The following NOL9 variants were observed in gnomAD, a reference collection of about 807,000 sequenced individuals.
The protein encoded by NOL9 is nucleolar protein 9, also known as polynucleotide 5'-hydroxyl-kinase NOL9.
NOL9 carries 28 observed loss-of-function variants against 67.9 expected under a neutral mutation model. The observed-to-expected ratio is 0.41, with a 90% confidence interval of 0.31 to 0.57. The LOEUF (loss-of-function observed/expected upper bound fraction) is 0.57, where lower values mean the gene tolerates loss of function less well. Among genes scored for constraint, NOL9 ranks in the 20% least tolerant of loss-of-function variants. NOL9 has a pLI of 0.25. For synonymous variants in NOL9, 356 were observed against 352.2 expected, an observed-to-expected ratio of 1.01 and a Z score of -0.12; for missense variants, 777 against 897.0, an observed-to-expected ratio of 0.87 and a Z score of 1.71.
At chr1:6,552,515 C>T (rs1037189603) in intron 1 of NOL9, among the ~76,000 whole-genome samples, 2 of 151,984 alleles carry the variant, frequency 1.3e-5, no homozygotes, top group East Asian at 1.9e-4. Context: ...CTCCACCTCC[C>T]AGGTTAAAGC....
At chr1:6,553,278 T>C (rs1253676573) in intron 1 of NOL9, among the ~76,000 whole-genome samples, 1 of 152,166 alleles carries the variant, frequency 6.6e-6, no homozygotes, top group Non-Finnish European at 1.5e-5. Flanking sequence ...GGGTTTTGCC[T>C]TCCCTCCTGC....
chr1:6,543,861 C>T (rs1221742968), intron 5 of NOL9, among the ~76,000 whole-genome samples: 2 of 152,074 alleles, frequency 1.3e-5, no homozygotes, highest in East Asian at 1.9e-4. Context: ...CATGGTGGCT[C>T]ACGCCTGTAA....
At chr1:6,552,567 C>A (rs1430757530) in intron 1 of NOL9, among the ~76,000 whole-genome samples, 5 of 151,968 alleles carry the variant, frequency 3.3e-5, no homozygotes, top group Admixed American at 6.6e-5. Flanking sequence ...GGATTACAGG[C>A]GTGTGCCACC....
At chr1:6,538,060 T>TA (rs1346517104) in intron 6 of NOL9, among the ~76,000 whole-genome samples, 1 of 123,068 alleles carries the variant, frequency 8.1e-6, no homozygotes, top group African/African-American at 3.1e-5. Flanking sequence ...AATTTAAAAA[T>TA]AAAAAAATTT....
chr1:6,554,485 C>G lies in NOL9; in HGVS notation c.18G>C (p.Leu6=), dbSNP rs1330949078. The change falls in exon 1 of 12, where the codon CTG becomes CTC. Residue 6 remains leucine, a synonymous_variant. Coordinates refer to ENST00000377705, the MANE Select transcript of NOL9 (RefSeq NM_024654.5). ...AACGGCAGGAACCCCGCTTTAGCAG[C>G]AGTCCCGAGTCCGCCATGCTGGGTC... The part of the protein sequence containing the change: MADSG[L]LLKRGSCRST... The G allele has an allele frequency of 1.0e-5, 16 of 1,543,482 alleles. No homozygotes were observed. Among genetic ancestry groups the G allele is most frequent in the Non-Finnish European group, 1.2e-5 (14 of 1,158,108 alleles).
Position 6,525,726 on chromosome 1 carries a change from A to T in NOL9, c.*128T>A. The T allele has an allele frequency of 4.2e-6, 4 of 942,164 alleles. No individual in the cohort carries two copies. Among genetic ancestry groups the T allele is most frequent in the Non-Finnish European group, 6.6e-6 (4 of 607,464 alleles). The allele number at this position is 942,164 out of a possible 1,614,324, so 58.4% of individuals were successfully genotyped here. ...GACTACTATATGACATTCACGAATT[A>T]CACAAAAAACACTGTTGCTAATAAG... On this transcript the variant is annotated 3_prime_UTR_variant, in exon 12 of 12. Coordinates refer to ENST00000377705, the MANE Select transcript of NOL9 (RefSeq NM_024654.5).
Position 6,526,722 on chromosome 1 carries a change from T to A in NOL9, c.1933A>T (p.Ile645Phe), listed in dbSNP as rs759603807. ...VNCLLVGAIA[I>F]PHCVLKCQRG... The stretch of plus-strand genomic sequence containing the variant: ...TGGCACTTAAGGACACAATGTGGAA[T>A]GGCAATAGCTCCAACGAGCAGACAA... The change falls in exon 11 of 12, where the codon ATT becomes TTT. Residue 645 changes from isoleucine (I) to phenylalanine (F), a missense_variant. By Grantham distance (21) the Ile-to-Phe change is conservative. Coordinates refer to ENST00000377705, the MANE Select transcript of NOL9 (RefSeq NM_024654.5). 4.3e-6 allele frequency: 7 copies of A among 1,613,676 alleles called. No homozygotes were observed. The highest frequency in any genetic ancestry group is 3.3e-4 in the Middle Eastern group (2 of 6,060).
rs1284012933 is a variant in NOL9 at position 6,525,649 on chromosome 1, A to C, written c.*205T>G. On this transcript the variant is annotated 3_prime_UTR_variant, in exon 12 of 12. Coordinates refer to ENST00000377705, the MANE Select transcript of NOL9 (RefSeq NM_024654.5). ...TCTGGACAGCAAGTATGAGTATCAC[A>C]CAGAAGACTAGAACAAATTCTAGCT... 1.7e-6 allele frequency: 1 copy of C among 602,834 alleles called. No individual in the cohort carries two copies. Among genetic ancestry groups the C allele is most frequent in the African/African-American group, 1.9e-5 (1 of 53,892 alleles). 37.3% of individuals were successfully genotyped at this position (602,834 alleles called of 1,614,324 possible).
At chr1:6,526,420 G>C (rs1339682332) in intron 11 of NOL9, among the ~76,000 whole-genome samples, 1 of 152,128 alleles carries the variant, frequency 6.6e-6, no homozygotes, top group African/African-American at 2.4e-5. Context: ...AAACCTGGGA[G>C]GGCCTCTGCT....
At chr1:6,540,936 A>G (rs1382119613) in intron 6 of NOL9, 1 of 151,182 alleles carries the variant, frequency 6.6e-6, no homozygotes, top group African/African-American at 2.4e-5. Flanking sequence ...AGGATAACAT[A>G]TTATTTTTTT....
chr1:6,531,282 C>T lies in NOL9; in HGVS notation c.1647+686G>A, dbSNP rs139601857. On this transcript the variant is annotated intron_variant, in intron 9 of 11. Coordinates refer to ENST00000377705, the MANE Select transcript of NOL9 (RefSeq NM_024654.5). ...AGGCTGGAGTGCAGTGTCATGATCT[C>T]AGATCACTGCAACCTCCGCCTCCTG... 9.7e-3 allele frequency among the ~76,000 whole-genome samples: 1,471 copies of T among 152,100 alleles called. 24 individuals are homozygous for T. The highest frequency in any genetic ancestry group is 0.034 in the African/African-American group (1,398 of 41,482).
intron 5 of NOL9, 31 bp downstream of exon 5, chr1:6,544,795 T>C (rs1639384053): frequency 6.2e-7 from 1 of 1,608,374 alleles, no homozygotes; most frequent in African/African-American, 1.3e-5. Flanking sequence ...AACCTAGCAA[T>C]GTGTCAAAGC....
At chr1:6,549,062 AAC>A (rs1191647455) in intron 3 of NOL9, among the ~76,000 whole-genome samples, 1 of 152,094 alleles carries the variant, frequency 6.6e-6, no homozygotes, top group Non-Finnish European at 1.5e-5. Context: ...CTAGCCTGGC[AAC>A]AGAGAGAGAG....
At chr1:6,552,117 T>A (rs552409486) in intron 1 of NOL9, among the ~76,000 whole-genome samples, 4 of 152,314 alleles carry the variant, frequency 2.6e-5, no homozygotes, top group Non-Finnish European at 5.9e-5. Context: ...GGATACATGG[T>A]GGGTAACAAC....
chr1:6,541,450 G>C (rs1254305534), intron 6 of NOL9, among the ~76,000 whole-genome samples: 2 of 152,172 alleles, frequency 1.3e-5, no homozygotes, highest in Non-Finnish European at 2.9e-5. Context: ...CCCAAGTGCT[G>C]GGATTACAAG....
chr1:6,527,133 G>A (rs1307783633), intron 10 of NOL9, among the ~76,000 whole-genome samples: 2 of 151,994 alleles, frequency 1.3e-5, no homozygotes, highest in East Asian at 3.9e-4. Context: ...TGTAGTCCCA[G>A]CTACTCGGGA....
intron 3 of NOL9, among the ~76,000 whole-genome samples, chr1:6,547,653 G>A (rs547559462): frequency 6.6e-6 from 1 of 152,008 alleles, no homozygotes; most frequent in Non-Finnish European, 1.5e-5. Flanking sequence ...CCAAGAGTTC[G>A]TGACCAGCCT....
chr1:6,533,544 G>T, intron 6 of NOL9, 103 bp from the exon 7 acceptor site: 1 of 835,580 alleles, frequency 1.2e-6, no homozygotes, highest in Non-Finnish European at 1.7e-6. Context: ...CACTGACAAA[G>T]AACCTTAGGA....
chr1:6,534,141 C>A (rs555580177), intron 6 of NOL9, among the ~76,000 whole-genome samples: 1 of 152,196 alleles, frequency 6.6e-6, no homozygotes, highest in East Asian at 1.9e-4. Context: ...CCCACCTCAG[C>A]CTCCCAAAGT....
Sources: allele counts gnomAD v4.1 joint callset (sites outside exome capture counted in the v4.1 genomes callset), GRCh38; gene constraint gnomAD v4.1.1; transcripts MANE v1.5; gene names NCBI Gene and HGNC (gene_info 2026-07-23, HGNC 2026-07-21).